Variants in C1orf185 observed in about 807,000 individuals in gnomAD.
C1orf185 encodes uncharacterized protein C1orf185.
C1orf185 carries 13 observed loss-of-function variants against 16.1 expected under a neutral mutation model. That is an observed-to-expected ratio of 0.81 (90% CI 0.53 to 1.28). C1orf185 has a LOEUF of 1.28. Ranked by LOEUF, C1orf185 falls within the 50% of genes most tolerant of loss-of-function variation. C1orf185 has a pLI of 0.00. For missense variants in C1orf185, 220 were observed against 225.2 expected, an observed-to-expected ratio of 0.98 and a Z score of 0.15; for synonymous variants, 80 against 76.9, an observed-to-expected ratio of 1.04 and a Z score of -0.21.
At chr1:51,111,369 T>TC (rs1646117756) in intron 1 of C1orf185, among the ~76,000 whole-genome samples, 1 of 142,882 alleles carries the variant, frequency 7.0e-6, no homozygotes, top group South Asian at 2.2e-4. Flanking sequence ...TAGCTTTCTT[T>TC]CTTTCTTTTT....
At chr1:51,106,822 A>G (rs1646076351) in intron 1 of C1orf185, among the ~76,000 whole-genome samples, 1 of 150,182 alleles carries the variant, frequency 6.7e-6, no homozygotes, top group African/African-American at 2.5e-5. Context: ...CAGTGGTGCA[A>G]TCTCAGCTCA....
intron 1 of C1orf185, among the ~76,000 whole-genome samples, chr1:51,109,591 A>C (rs1038844129): frequency 6.6e-6 from 1 of 151,762 alleles, no homozygotes; most frequent in Non-Finnish European, 1.5e-5. Context: ...ATTTTTGTAT[A>C]TGGTGAGAGA....
intron 3 of C1orf185, among the ~76,000 whole-genome samples, chr1:51,138,493 C>T (rs1053259223): frequency 4.8e-5 from 7 of 147,312 alleles, no homozygotes; most frequent in Non-Finnish European, 7.5e-5. Context: ...CCCGGGTTCA[C>T]GCCATTCTCC....
chr1:51,146,519 G>T (rs1646402086), intron 4 of C1orf185, among the ~76,000 whole-genome samples: 1 of 150,284 alleles, frequency 6.7e-6, no homozygotes, highest in Non-Finnish European at 1.5e-5. Context: ...TTTTTAAAAA[G>T]AAAAGTTAAT....
At chr1:51,112,772 T>C (rs545132022) in intron 2 of C1orf185, among the ~76,000 whole-genome samples, 4 of 152,070 alleles carry the variant, frequency 2.6e-5, no homozygotes, top group Non-Finnish European at 4.4e-5. Flanking sequence ...ATAGGAATGT[T>C]CATGCATTAA....
intron 2 of C1orf185, among the ~76,000 whole-genome samples, chr1:51,115,708 T>C (rs1179520452): frequency 6.6e-6 from 1 of 152,226 alleles, no homozygotes; most frequent in Non-Finnish European, 1.5e-5. Context: ...AAAATATCTT[T>C]ATGTCTCTAT....
At chr1:51,143,806 G>A (rs1461868820) in intron 3 of C1orf185, among the ~76,000 whole-genome samples, 1 of 152,198 alleles carries the variant, frequency 6.6e-6, no homozygotes, top group Non-Finnish European at 1.5e-5. Flanking sequence ...GGCTCTACAG[G>A]CATGCGCCAT....
intron 3 of C1orf185, among the ~76,000 whole-genome samples, chr1:51,137,172 T>C (rs1646331514): frequency 6.6e-6 from 1 of 152,140 alleles, no homozygotes; most frequent in Non-Finnish European, 1.5e-5. Flanking sequence ...TCAATATCAC[T>C]GATCATGAGA....
At chr1:51,111,260 T>C (rs1401550538) in intron 1 of C1orf185, among the ~76,000 whole-genome samples, 2 of 152,022 alleles carry the variant, frequency 1.3e-5, no homozygotes, top group Non-Finnish European at 2.9e-5. Context: ...TGGACCTCAA[T>C]TTTACCATCT....
intron 1 of C1orf185, 102 bp downstream of exon 1, chr1:51,102,351 C>A (rs543784635): frequency 6.6e-5 from 44 of 663,082 alleles, no homozygotes; most frequent in African/African-American, 6.1e-4. Flanking sequence ...TCTGGAAGAG[C>A]TTGTATAAGA....
intron 3 of C1orf185, among the ~76,000 whole-genome samples, chr1:51,127,391 C>A (rs1646249223): frequency 2.0e-5 from 3 of 152,072 alleles, no homozygotes; most frequent in East Asian, 3.9e-4. Flanking sequence ...TGGGTTCAAG[C>A]GATTCTCCTG....
rs1278692305 is a variant in C1orf185, at chr1:51,147,746, A to T, written c.575A>T (p.Glu192Val). The T allele has an allele frequency of 6.5e-7, 1 of 1,547,454 alleles. No individual in the cohort carries two copies. The highest frequency in any genetic ancestry group is 1.4e-5 in the African/African-American group (1 of 72,902). Residue 192 changes from glutamate to valine, a missense_variant, in exon 5 of 5, where the codon GAA becomes GTA. Glu to Val is a moderately radical substitution (Grantham distance 121). Coordinates refer to ENST00000371759, the MANE Select transcript of C1orf185 (RefSeq NM_001136508.2). ...ACCATTTCATTAGAAGAGGGTACTGAAAGTGTACTGAATGACACTTTATGA... is the reference window on the plus strand; with the variant it reads ...ACCATTTCATTAGAAGAGGGTACTGTAAGTGTACTGAATGACACTTTATGA... ...LSTISLEEGT[E>V]SVLNDTL
At chr1:51,111,913 C>T (rs1302475094) in intron 1 of C1orf185, among the ~76,000 whole-genome samples, 2 of 152,224 alleles carry the variant, frequency 1.3e-5, no homozygotes, top group East Asian at 1.9e-4. Context: ...CCTTCCGCCT[C>T]AGTCTCCCAA....
At chr1:51,123,479 G>T (rs1411203997) in intron 3 of C1orf185, among the ~76,000 whole-genome samples, 3 of 152,210 alleles carry the variant, frequency 2.0e-5, no homozygotes, top group African/African-American at 7.2e-5. Context: ...ATAAACATAT[G>T]TGTGGAGGTT....
intron 1 of C1orf185, among the ~76,000 whole-genome samples, chr1:51,103,019 G>A (rs1434053607): frequency 1.3e-5 from 2 of 152,010 alleles, no homozygotes; most frequent in African/African-American, 4.8e-5. Context: ...AAGCACAGGA[G>A]CTTTTCTTAG....
chr1:51,111,580 T>A (rs932460165), intron 1 of C1orf185, among the ~76,000 whole-genome samples: 2 of 151,870 alleles, frequency 1.3e-5, no homozygotes, highest in African/African-American at 4.8e-5. Context: ...AGTGCAGTGG[T>A]GCTATCTCGG....
chr1:51,130,675 T>C (rs1646276774), intron 3 of C1orf185, among the ~76,000 whole-genome samples: 2 of 152,216 alleles, frequency 1.3e-5, no homozygotes, highest in South Asian at 4.1e-4. Flanking sequence ...AGCACACTTA[T>C]CAAAAATCAG....
chr1:51,116,755 T>C (rs1007213513), intron 2 of C1orf185, among the ~76,000 whole-genome samples: 37 of 152,304 alleles, frequency 2.4e-4, no homozygotes, highest in South Asian at 4.1e-4. Flanking sequence ...CCTCCTGCTT[T>C]CTGTGTTTCT....
At position 51,106,593 on chromosome 1, in the gene C1orf185, G is replaced by A. The variant is rs549230358; in HGVS notation, c.16+4344G>A. On this transcript the variant is annotated intron_variant, in intron 1 of 4. Coordinates refer to ENST00000371759, the MANE Select transcript of C1orf185 (RefSeq NM_001136508.2). Reference sequence around the variant, plus strand: ...AGCCCCAGGAGCTCAAGGCTATAGTGAGCTATGATTGTGCCACTGCATTCC... The same window carrying A: ...AGCCCCAGGAGCTCAAGGCTATAGTAAGCTATGATTGTGCCACTGCATTCC... Among the ~76,000 whole-genome samples the A allele has an allele frequency of 1.5e-3, 235 of 152,146 alleles. 2 individuals are homozygous for A. Among genetic ancestry groups the A allele is most frequent in the Non-Finnish European group, 2.5e-3 (167 of 67,968 alleles).
Sources: allele counts gnomAD v4.1 joint callset (sites outside exome capture counted in the v4.1 genomes callset), GRCh38; gene constraint gnomAD v4.1.1; transcripts MANE v1.5; gene names NCBI Gene and HGNC (gene_info 2026-07-23, HGNC 2026-07-21).